DISC1: variants seen among roughly 807,000 people sequenced by gnomAD.
The protein encoded by DISC1 is disrupted in schizophrenia 1 protein.
In DISC1, 57 loss-of-function variants were observed where a neutral mutation model predicts 84.5. The ratio of observed to expected loss-of-function variants is 0.67; its 90% CI spans 0.55 to 0.84. The LOEUF (loss-of-function observed/expected upper bound fraction) is 0.84, where lower values mean the gene tolerates loss of function less well. Among genes scored for constraint, DISC1 ranks in the 40% least tolerant of loss-of-function variants. The pLI is 0.00. For missense variants in DISC1, 1,000 were observed against 1,057.8 expected, an observed-to-expected ratio of 0.95 and a Z score of 0.76; for synonymous variants, 411 against 415.2, an observed-to-expected ratio of 0.99 and a Z score of 0.12.
intron 12 of DISC1, among the ~76,000 whole-genome samples, chr1:232,028,556 G>A (rs1220713136): frequency 1.3e-5 from 2 of 152,164 alleles, no homozygotes; most frequent in Non-Finnish European, 1.5e-5. Context: ...ATGGACAAGT[G>A]ATAATGCCTC....
chr1:231,668,634 C>G (rs2062255948), intron 1 of DISC1, among the ~76,000 whole-genome samples: 1 of 152,206 alleles, frequency 6.6e-6, no homozygotes, highest in African/African-American at 2.4e-5. Flanking sequence ...AAAGACAGAG[C>G]TCAGCAGACT....
Position 232,040,019 on chromosome 1 carries a change from C to G in DISC1, c.*3188C>G, listed in dbSNP as rs547651969. ...CATTTTTTTTTTTGAGATGGAGTCT[C>G]TCTCTGTCACCCAAGTTGGAGTGCA... On this transcript the variant is annotated 3_prime_UTR_variant, in exon 13 of 13. Transcript: ENST00000439617. 4 of 151,378 alleles carry G rather than the reference C, an allele frequency of 2.6e-5. No individual in the cohort carries two copies. The highest frequency in any genetic ancestry group is 2.0e-4 in the Admixed American group (3 of 15,132). The allele number at this position is 151,378 out of a possible 1,614,324, so 9.4% of individuals were successfully genotyped here.
intron 9 of DISC1, among the ~76,000 whole-genome samples, chr1:231,957,646 C>A (rs538495173): frequency 1.3e-5 from 2 of 152,224 alleles, no homozygotes; most frequent in South Asian, 4.1e-4. Flanking sequence ...GTGTGTTAGA[C>A]CAGCATAAGT....
chr1:231,731,794 T>C (rs1385040177), intron 3 of DISC1, among the ~76,000 whole-genome samples: 1 of 152,216 alleles, frequency 6.6e-6, no homozygotes, highest in Non-Finnish European at 1.5e-5. Flanking sequence ...ATAAAGCGTC[T>C]TTAAGTGGAA....
In DISC1 at chr1:231,941,151, T is replaced by C. The variant is rs540132549; in HGVS notation, c.1982-17677T>C. 4 of 152,292 alleles carry C rather than the reference T, an allele frequency of 2.6e-5. 1 individual carries two copies. The East Asian group carries it at 5.8e-4, about 22-fold the overall frequency. 9.4% of individuals were successfully genotyped at this position (152,292 alleles called of 1,614,324 possible). ...TGGCAGCCTTCACATTGCACAGATA[T>C]CCCTACATTGGGCTGCTCTGCATGC... is the stretch of plus-strand genomic sequence containing the variant. On this transcript the variant is annotated intron_variant, in intron 9 of 12. Transcript: ENST00000439617.
At chr1:231,639,638 A>G (rs1328628354) in intron 1 of DISC1, among the ~76,000 whole-genome samples, 1 of 152,204 alleles carries the variant, frequency 6.6e-6, no homozygotes, top group Non-Finnish European at 1.5e-5. Context: ...GGTCCTGCAT[A>G]AGTCCTCTAG....
In DISC1 at chr1:232,037,558, G is replaced by A. The variant is rs896079927; in HGVS notation, c.*727G>A. On this transcript the variant is annotated 3_prime_UTR_variant, in exon 13 of 13. Transcript: ENST00000439617. ...ACAGTGAGGCTGTGGATGGATCAGGGGACCTGTATAAAATGTTTGAGCCTG... is the reference window on the plus strand; with the variant it reads ...ACAGTGAGGCTGTGGATGGATCAGGAGACCTGTATAAAATGTTTGAGCCTG... 2 of 152,174 alleles carry A rather than the reference G, an allele frequency of 1.3e-5. No homozygotes were observed. Among genetic ancestry groups the A allele is most frequent in the Non-Finnish European group, 2.9e-5 (2 of 68,040 alleles). 9.4% of individuals were successfully genotyped at this position (152,174 alleles called of 1,614,324 possible).
intron 9 of DISC1, among the ~76,000 whole-genome samples, chr1:231,951,484 C>T (rs1294107983): frequency 6.6e-6 from 1 of 152,192 alleles, no homozygotes; most frequent in Non-Finnish European, 1.5e-5. Flanking sequence ...ATTATCCATG[C>T]CTCCTCCTGC....
intron 1 of DISC1, among the ~76,000 whole-genome samples, chr1:231,693,539 G>A (rs2065290145): frequency 6.6e-6 from 1 of 152,232 alleles, no homozygotes; most frequent in South Asian, 2.1e-4. Flanking sequence ...GAGCTGCCAA[G>A]GTTGTGTTCA....
At chr1:231,734,985 C>T (rs556824076) in intron 3 of DISC1, among the ~76,000 whole-genome samples, 10 of 152,294 alleles carry the variant, frequency 6.6e-5, no homozygotes, top group African/African-American at 2.4e-4. Flanking sequence ...ACCAAATCTC[C>T]ACTTTTATGC....
intron 6 of DISC1, among the ~76,000 whole-genome samples, chr1:231,793,720 C>T (rs963947537): frequency 7.2e-5 from 11 of 152,132 alleles, no homozygotes; most frequent in African/African-American, 1.9e-4. Flanking sequence ...TGCTAGAAAA[C>T]GGAATGATTT....
chr1:231,919,052 C>A (rs1369264280), intron 9 of DISC1, among the ~76,000 whole-genome samples: 2 of 152,190 alleles, frequency 1.3e-5, no homozygotes, highest in Non-Finnish European at 2.9e-5. Flanking sequence ...CTTAACTCAT[C>A]CATCATTTGT....
intron 1 of DISC1, among the ~76,000 whole-genome samples, chr1:231,632,175 A>T (rs1163350026): frequency 6.6e-6 from 1 of 152,206 alleles, no homozygotes. Flanking sequence ...TATACCATCT[A>T]GGTTTTTGTG....
In DISC1 at chr1:231,771,070, G is replaced by A. The variant is rs748914648; in HGVS notation, c.1634G>A (p.Ser545Asn). Residue 545 changes from serine (S) to asparagine (N), a missense_variant and splice_region_variant, in exon 6 of 13, where the codon AGC becomes AAC. Transcript: ENST00000439617. ...FHAEPPETIR[S>N]LQERIKSLNL... ...GCAGAGCCACCGGAAACCATAAGGA[G>A]GTACTGCTGATTTCCTAACTGATTT... 6.3e-7 allele frequency: 1 copy of A among 1,585,580 alleles called. No individual in the cohort carries two copies.
At chr1:231,859,202 T>G (rs745628664) in intron 9 of DISC1, among the ~76,000 whole-genome samples, 6 of 152,366 alleles carry the variant, frequency 3.9e-5, no homozygotes, top group East Asian at 1.9e-4. Context: ...TTTCACTTGT[T>G]TCTTCATTGA....
At position 231,674,353 on chromosome 1, in the gene DISC1, A is replaced by G. The variant is rs771120907; in HGVS notation, c.68-19473A>G. Among the ~76,000 whole-genome samples, 117 of 152,152 alleles carry G rather than the reference A, an allele frequency of 7.7e-4. 2 individuals carry two copies. The highest frequency in any genetic ancestry group is 2.9e-4 in the Non-Finnish European group (20 of 68,032). On this transcript the variant is annotated intron_variant, in intron 1 of 12. Coordinates refer to ENST00000439617, the MANE Select transcript of DISC1 (RefSeq NM_018662.3). Reference sequence around the variant, plus strand: ...TGGGAGGAAGAGTAATGGGAATTGAATAATGTGGGCAGTCACTGAGCTGTT... The same window carrying G: ...TGGGAGGAAGAGTAATGGGAATTGAGTAATGTGGGCAGTCACTGAGCTGTT...
At chr1:231,970,537 A>C (rs892036450) in intron 10 of DISC1, among the ~76,000 whole-genome samples, 3 of 152,212 alleles carry the variant, frequency 2.0e-5, no homozygotes, top group African/African-American at 7.2e-5. Flanking sequence ...TAGCACTACA[A>C]GGATGGAATC....
intron 6 of DISC1, among the ~76,000 whole-genome samples, chr1:231,772,608 T>C (rs943281555): frequency 6.6e-6 from 1 of 152,180 alleles, no homozygotes; most frequent in African/African-American, 2.4e-5. Flanking sequence ...ACCGAGGTAG[T>C]ACATAGAAAA....
intron 9 of DISC1, among the ~76,000 whole-genome samples, chr1:231,929,956 G>C (rs199973562): frequency 5.5e-4 from 84 of 152,198 alleles, no homozygotes; most frequent in Non-Finnish European, 1.0e-3. Context: ...AGGAGCCTGG[G>C]TGACACAGGG....
Sources: allele counts gnomAD v4.1 joint callset (sites outside exome capture counted in the v4.1 genomes callset), GRCh38; gene constraint gnomAD v4.1.1; transcripts MANE v1.5; gene names NCBI Gene and HGNC (gene_info 2026-07-23, HGNC 2026-07-21).